CATSPERT: variants seen among roughly 807,000 people sequenced by gnomAD.
The protein encoded by CATSPERT is catsper channel auxiliary subunit tau.
the CATSPERT span, among the ~76,000 whole-genome samples, chr2:201,559,494 G>A: frequency 6.6e-6 from 1 of 152,128 alleles, no homozygotes; most frequent in Non-Finnish European, 1.5e-5. Context: ...CACATCTGAC[G>A]CCTATGAAAC....
the CATSPERT span, among the ~76,000 whole-genome samples, chr2:201,572,938 A>G: frequency 6.6e-6 from 1 of 152,168 alleles, no homozygotes; most frequent in Non-Finnish European, 1.5e-5. Context: ...TTCACTCTCA[A>G]TTCCTAATTT....
the CATSPERT span, among the ~76,000 whole-genome samples, chr2:201,506,326 G>A: frequency 6.6e-6 from 1 of 152,110 alleles, no homozygotes; most frequent in African/African-American, 2.4e-5. Flanking sequence ...GATAAATGAT[G>A]CCAAATTTTT....
the CATSPERT span, among the ~76,000 whole-genome samples, chr2:201,563,569 G>A: frequency 2.0e-5 from 3 of 152,184 alleles, no homozygotes; most frequent in Non-Finnish European, 4.4e-5. Flanking sequence ...CCTCCTGGAC[G>A]GGGAATAATT....
chr2:201,487,746 T>A, the CATSPERT span: 1 of 1,614,182 alleles, frequency 6.2e-7, no homozygotes, highest in Non-Finnish European at 8.5e-7. Context: ...TCTCGTTGCT[T>A]GTTAACCTCC....
At chr2:201,492,501 A>T in the CATSPERT span, 1 of 1,535,862 alleles carries the variant, frequency 6.5e-7, no homozygotes, top group Non-Finnish European at 8.7e-7. Context: ...CCTTTGAAAT[A>T]TCTTGTTCTA....
chr2:201,535,658 GA>G, the CATSPERT span: 1 of 1,174,628 alleles, frequency 8.5e-7, no homozygotes, highest in African/African-American at 1.6e-5. Flanking sequence ...TGCTTTTCTT[GA>G]AAGTTTTTTA....
At chr2:201,544,533 ACTTT>A in the CATSPERT span, among the ~76,000 whole-genome samples, 2 of 130,046 alleles carry the variant, frequency 1.5e-5, no homozygotes, top group African/African-American at 5.6e-5. Context: ...CCTCTGCCAC[ACTTT>A]CTTTTTCACA....
chr2:201,539,511 G>GTA, the CATSPERT span, among the ~76,000 whole-genome samples: 1 of 89,746 alleles, frequency 1.1e-5, no homozygotes, highest in Admixed American at 1.3e-4. Context: ...TTTTAACGAG[G>GTA]TTTTTTTTTT....
the CATSPERT span, among the ~76,000 whole-genome samples, chr2:201,515,209 T>G: frequency 2.2e-4 from 3 of 13,604 alleles, no homozygotes; most frequent in South Asian, 3.7e-3. Flanking sequence ...ATAGTTTTTT[T>G]TTTTTTTTTT....
At chr2:201,534,041 TATCTATC>T in the CATSPERT span, among the ~76,000 whole-genome samples, 4 of 14,638 alleles carry the variant, frequency 2.7e-4, no homozygotes, top group African/African-American at 1.4e-3. Flanking sequence ...ATCTGTATAT[TATCTATC>T]TATCTATCTA....
At chr2:201,535,551 A>G in the CATSPERT span, 4 of 982,348 alleles carry the variant, frequency 4.1e-6, no homozygotes, top group Non-Finnish European at 4.9e-6. Flanking sequence ...AGGCTTTTAA[A>G]TTTCCTTTGA....
chr2:201,535,923 TC>T, the CATSPERT span: 86 of 1,557,318 alleles, frequency 5.5e-5, no homozygotes, highest in Non-Finnish European at 7.2e-5. Context: ...GTTCTCCCTT[TC>T]AGCTAAGTTT....
chr2:201,574,373 GAAAA>G, the CATSPERT span: 2 of 1,025,144 alleles, frequency 2.0e-6, no homozygotes, highest in Non-Finnish European at 2.8e-6. Context: ...CTGTAAGTTA[GAAAA>G]GCCAAAGTAT....
the CATSPERT span, among the ~76,000 whole-genome samples, chr2:201,545,151 C>A: frequency 1.3e-5 from 2 of 152,074 alleles, no homozygotes; most frequent in Admixed American, 1.3e-4. Context: ...AATTCTCCTG[C>A]CTCAGCCTCC....
the CATSPERT span, chr2:201,535,496 A>G: frequency 1.1e-6 from 1 of 915,066 alleles, no homozygotes; most frequent in Non-Finnish European, 1.3e-6. Context: ...GTTATTTCCT[A>G]TAATATAATA....
chr2:201,495,813 T>C, the CATSPERT span: 2 of 935,940 alleles, frequency 2.1e-6, no homozygotes, highest in Non-Finnish European at 3.2e-6. Flanking sequence ...ATGAGTAGCT[T>C]TTTAGAACTA....
the CATSPERT span, among the ~76,000 whole-genome samples, chr2:201,587,420 A>G: frequency 1.3e-5 from 2 of 152,016 alleles, no homozygotes; most frequent in Non-Finnish European, 2.9e-5. Flanking sequence ...TTTGTCTTTC[A>G]CCATCTTTTT....
At chr2:201,595,926 CA>C in the CATSPERT span, among the ~76,000 whole-genome samples, 2 of 146,446 alleles carry the variant, frequency 1.4e-5, no homozygotes, top group Non-Finnish European at 1.5e-5. Flanking sequence ...AAAAAAAAAA[CA>C]GATGCTGACG....
chr2:201,596,843 G>T, the CATSPERT span, among the ~76,000 whole-genome samples: 2 of 151,970 alleles, frequency 1.3e-5, no homozygotes, highest in Non-Finnish European at 2.9e-5. Flanking sequence ...CATTTTCACT[G>T]TCTTCAAAAT....
Sources: allele counts gnomAD v4.1 joint callset (sites outside exome capture counted in the v4.1 genomes callset), GRCh38; gene constraint gnomAD v4.1.1; transcripts MANE v1.5; gene names NCBI Gene and HGNC (gene_info 2026-07-23, HGNC 2026-07-21).